Variants in TLN2 observed in about 807,000 individuals in gnomAD.
The protein encoded by TLN2 is talin-2.
TLN2 carries 118 observed loss-of-function variants against 294.7 expected under a neutral mutation model. The ratio of observed to expected loss-of-function variants is 0.40; its 90% CI spans 0.34 to 0.47. The LOEUF is 0.47. Ranked by LOEUF, TLN2 falls within the 20% of genes least tolerant of loss-of-function variation. TLN2 has a pLI of 0.84. For missense variants in TLN2, 3,083 were observed against 3,282.2 expected (o/e 0.94, Z 1.48); for synonymous variants, 1,431 against 1,304.5 (o/e 1.10, Z -2.09).
Position 62,808,889 on chromosome 15 carries a change from G to A in TLN2, c.6664-1036G>A, listed in dbSNP as rs191161515. ...GCCCCACTCTGTCCAGGGACTGGGG[G>A]TAAGTCAAGGGGGGAGCCCAAGGTA... On this transcript the variant is annotated intron_variant, in intron 51 of 58. Coordinates refer to ENST00000636159, the MANE Select transcript of TLN2 (RefSeq NM_015059.3). Among the ~76,000 whole-genome samples the A allele has an allele frequency of 3.2e-3, 486 of 152,332 alleles. 1 individual carries two copies. The highest frequency in any genetic ancestry group is 0.011 in the African/African-American group (469 of 41,576).
intron 32 of TLN2, among the ~76,000 whole-genome samples, chr15:62,741,748 C>CGCGCGCGCGTGTGTGTGTGTGTGT: frequency 0.024 from 3,092 of 131,140 alleles, 57 homozygotes; most frequent in East Asian, 0.028. Context: ...AAAATTTGCG[C>CGCGCGCGCGTGTGTGTGTGTGTGT]GTGTGTGTGT....
intron 1 of TLN2, among the ~76,000 whole-genome samples, chr15:62,572,935 G>C (rs1488676120): frequency 1.3e-5 from 2 of 151,916 alleles, no homozygotes; most frequent in Admixed American, 6.5e-5. Context: ...GTCCTCCCCT[G>C]GCCAAGTCCC....
At position 62,761,680 on chromosome 15, in the gene TLN2, G is replaced by C; in HGVS notation, c.4639-1G>C. 1 of 1,614,128 alleles carries C rather than the reference G, an allele frequency of 6.2e-7. No homozygotes were observed. Among genetic ancestry groups the C allele is most frequent in the East Asian group, 2.2e-5 (1 of 44,884 alleles). On this transcript the variant is annotated splice_acceptor_variant, in intron 37 of 58. Coordinates refer to ENST00000636159, the MANE Select transcript of TLN2 (RefSeq NM_015059.3). LOFTEE classifies it high-confidence loss of function. ...AGAATCTCCCTGTTTTCTCCCATCA[G>C]GCCCTGGATGGGGATTTCTCTGAAG...
At chr15:62,634,353 TG>T (rs1029570523) in intron 3 of TLN2, among the ~76,000 whole-genome samples, 5 of 152,360 alleles carry the variant, frequency 3.3e-5, no homozygotes, top group African/African-American at 9.6e-5. Context: ...GACTGGTCTG[TG>T]CAGTTCTTCT....
At chr15:62,793,782 C>T (rs190620327) in intron 46 of TLN2, among the ~76,000 whole-genome samples, 1 of 150,634 alleles carries the variant, frequency 6.6e-6, no homozygotes, top group Admixed American at 6.7e-5. Context: ...GGCTTTTCCC[C>T]TTCCCTTAAC....
At chr15:62,717,273 G>A (rs1462299031) in intron 23 of TLN2, among the ~76,000 whole-genome samples, 1 of 152,084 alleles carries the variant, frequency 6.6e-6, no homozygotes, top group South Asian at 2.1e-4. Context: ...TTTAGACTTG[G>A]TGCAGCTTGT....
rs755720293 is a variant in TLN2 at position 62,763,552 on chromosome 15, A to C, written c.4962-11A>C. On this transcript the variant is annotated splice_polypyrimidine_tract_variant and intron_variant, in intron 39 of 58. Transcript: ENST00000636159. Reference sequence around the variant, plus strand: ...ATGGAGCCTGTGTCCAACTTGCACTATTCCTTCCAGGGACAAGGCCCCTGG... The same window carrying C: ...ATGGAGCCTGTGTCCAACTTGCACTCTTCCTTCCAGGGACAAGGCCCCTGG... The C allele has an allele frequency of 1.2e-6, 2 of 1,601,248 alleles. No individual in the cohort carries two copies. The highest frequency in any genetic ancestry group is 4.5e-5 in the East Asian group (2 of 44,494).
At chr15:62,417,430 C>G (rs1376904936) in intron 1 of TLN2, among the ~76,000 whole-genome samples, 3 of 152,288 alleles carry the variant, frequency 2.0e-5, no homozygotes, top group East Asian at 3.9e-4. Flanking sequence ...CCAGAAGCAG[C>G]TTAGAAAATT....
intron 30 of TLN2, among the ~76,000 whole-genome samples, chr15:62,738,655 C>T (rs143293221): frequency 1.3e-5 from 2 of 152,202 alleles, no homozygotes; most frequent in South Asian, 2.1e-4. Flanking sequence ...TGGAAGGGTA[C>T]GTGTGTCCAA....
chr15:62,703,615 ACACACACGCG>A (rs2058856948), intron 19 of TLN2, among the ~76,000 whole-genome samples: 1 of 103,678 alleles, frequency 9.6e-6, no homozygotes, highest in Admixed American at 1.2e-4. Context: ...ACACACACAC[ACACACACGCG>A]CGCACACACA....
At chr15:62,836,231 C>G in intron 57 of TLN2, 158 bp downstream of exon 57, 1 of 999,090 alleles carries the variant, frequency 1.0e-6, no homozygotes, top group East Asian at 2.6e-5. Flanking sequence ...TCCATGCATC[C>G]TCCACTGCTG....
chr15:62,792,842 TC>T lies in TLN2; in HGVS notation c.5883+57del, dbSNP rs2065169983. 7 of 1,596,674 alleles carry T rather than the reference TC, an allele frequency of 4.4e-6. No individual in the cohort carries two copies. The South Asian group carries it at 8.0e-5, about 18-fold the overall frequency. On this transcript the variant is annotated intron_variant, in intron 46 of 58. Transcript: ENST00000636159. Reference sequence around the variant, plus strand: ...AAGAACCTGCGCTGGCTCTCAGTGATCCGCTGTAATCAAGGACAAAAGCAGG... The same window carrying T: ...AAGAACCTGCGCTGGCTCTCAGTGATCGCTGTAATCAAGGACAAAAGCAGG...
At chr15:62,755,346 A>C in intron 36 of TLN2, 186 bp from the exon 37 acceptor site, 1 of 651,158 alleles carries the variant, frequency 1.5e-6, no homozygotes, top group Non-Finnish European at 2.5e-6. Context: ...TTTCTTTATT[A>C]TCTGTGCTTA....
chr15:62,416,628 G>A (rs141520127), intron 1 of TLN2, among the ~76,000 whole-genome samples: 1 of 152,306 alleles, frequency 6.6e-6, no homozygotes, highest in African/African-American at 2.4e-5. Context: ...CCAGAATATA[G>A]CATTATCTTC....
intron 1 of TLN2, among the ~76,000 whole-genome samples, chr15:62,477,698 C>T (rs1028710455): frequency 5.3e-5 from 8 of 152,032 alleles, no homozygotes; most frequent in African/African-American, 1.7e-4. Flanking sequence ...CAGACTGTAT[C>T]TGCTGGGCCC....
chr15:62,722,428 A>G lies in TLN2; in HGVS notation c.3067A>G (p.Ser1023Gly), dbSNP rs2060204136. The G allele has an allele frequency of 6.2e-7, 1 of 1,613,256 alleles. No homozygotes were observed. Among genetic ancestry groups the G allele is most frequent in the African/African-American group, 1.3e-5 (1 of 74,986 alleles). The change falls in exon 26 of 59, where the codon AGC (serine) becomes GGC (glycine). Residue 1023 changes from serine to glycine, a missense_variant. Transcript: ENST00000636159. ...TGACCAGGCCGCAGCCATGCAGCTG[A>G]GCCAGTGTGCCAAGAACCTGGCCAC... ...VSDQAAAMQL[S>G]QCAKNLATSL...
intron 48 of TLN2, 123 bp from the exon 49 acceptor site, chr15:62,800,245 C>A: frequency 6.9e-7 from 1 of 1,458,318 alleles, no homozygotes; most frequent in Non-Finnish European, 9.2e-7. Context: ...TGCCATGCTG[C>A]AGACTTCAGA....
At chr15:62,613,847 C>A in intron 2 of TLN2, among the ~76,000 whole-genome samples, 2 of 139,078 alleles carry the variant, frequency 1.4e-5, no homozygotes. Context: ...GTAATGAAGC[C>A]AGGCCAAAAA....
chr15:62,411,421 A>C (rs529043846), intron 1 of TLN2, among the ~76,000 whole-genome samples: 1 of 130,924 alleles, frequency 7.6e-6, no homozygotes, highest in East Asian at 2.4e-4. Flanking sequence ...AGAGAGTGTG[A>C]GTAATGGATG....
Sources: allele counts gnomAD v4.1 joint callset (sites outside exome capture counted in the v4.1 genomes callset), GRCh38; gene constraint gnomAD v4.1.1; transcripts MANE v1.5; gene names NCBI Gene and HGNC (gene_info 2026-07-23, HGNC 2026-07-21).